Variants in DLGAP1 observed in about 807,000 individuals in gnomAD.
DLGAP1 encodes the protein disks large-associated protein 1.
In DLGAP1, 11 loss-of-function variants were observed where a neutral mutation model predicts 90.8. The ratio of observed to expected loss-of-function variants is 0.12; its 90% CI spans 0.08 to 0.20. The LOEUF is 0.20. Among genes scored for constraint, DLGAP1 ranks in the 10% least tolerant of loss-of-function variants. The probability of loss-of-function intolerance (pLI) is 1.00; values close to 1 mark genes in which losing one functional copy is unlikely to be tolerated. For synonymous variants in DLGAP1, 558 were observed against 540.7 expected (o/e 1.03, Z -0.44); for missense variants, 1,050 against 1,333.8 (o/e 0.79, Z 3.31).
intron 2 of DLGAP1, among the ~76,000 whole-genome samples, chr18:4,136,725 C>A (rs2076407608): frequency 6.6e-6 from 1 of 152,122 alleles, no homozygotes; most frequent in African/African-American, 2.4e-5. Context: ...CTTTGCTGTA[C>A]AGCAGCTTTT....
rs1430676470 is a variant in DLGAP1 at position 3,499,088 on chromosome 18, G to C, written c.*97C>G. ...CGACAGTGGAAGTCACCGAGCTCGG[G>C]AGCGGACGGGCTCGGAGGGGGAGAG... On this transcript the variant is annotated 3_prime_UTR_variant, in exon 13 of 13. Coordinates refer to ENST00000315677, the MANE Select transcript of DLGAP1 (RefSeq NM_004746.4). This position sits in a 1 kb window ranked among gnomAD's most constrained non-coding sequence, Gnocchi z 6.4. 4 of 1,148,848 alleles carry C rather than the reference G, an allele frequency of 3.5e-6. No individual in the cohort carries two copies. In the South Asian group the frequency reaches 5.0e-5, roughly 14 times the overall value. The allele number at this position is 1,148,848 out of a possible 1,614,324, so 71.2% of individuals were successfully genotyped here.
chr18:3,978,003 T>G (rs1451834186), intron 3 of DLGAP1: 3 of 373,772 alleles, frequency 8.0e-6, no homozygotes, highest in African/African-American at 6.4e-5. Flanking sequence ...GTAGCACCAG[T>G]AGATGCAGGG....
At chr18:4,268,319 CAGT>C (rs1765866863) in intron 1 of DLGAP1, among the ~76,000 whole-genome samples, 1 of 151,992 alleles carries the variant, frequency 6.6e-6, no homozygotes, top group East Asian at 1.9e-4. Context: ...AAGGAATAAA[CAGT>C]ATTTTTTAAT....
chr18:3,869,184 C>G (rs926535376), intron 4 of DLGAP1, among the ~76,000 whole-genome samples: 3 of 148,152 alleles, frequency 2.0e-5, no homozygotes, highest in African/African-American at 7.5e-5. Flanking sequence ...TATGAATACA[C>G]TAAAGCTTGA....
intron 3 of DLGAP1, chr18:3,978,222 C>A: frequency 2.3e-6 from 1 of 429,818 alleles, no homozygotes; most frequent in South Asian, 1.8e-5. Context: ...TCATACTTCT[C>A]ATCGTTCATG....
chr18:4,051,492 C>G (rs1410807514), intron 2 of DLGAP1, among the ~76,000 whole-genome samples: 1 of 152,208 alleles, frequency 6.6e-6, no homozygotes, highest in African/African-American at 2.4e-5. Context: ...AACTCACTCA[C>G]TATCACAAGA....
intron 1 of DLGAP1, among the ~76,000 whole-genome samples, chr18:4,407,237 G>A (rs2082682327): frequency 6.6e-6 from 1 of 152,106 alleles, no homozygotes; most frequent in Non-Finnish European, 1.5e-5. Context: ...AAAAAAACAA[G>A]GTAATTGGGG....
At chr18:3,848,775 T>C (rs2069169217) in intron 4 of DLGAP1, among the ~76,000 whole-genome samples, 1 of 152,158 alleles carries the variant, frequency 6.6e-6, no homozygotes, top group Non-Finnish European at 1.5e-5. Flanking sequence ...ACCATCCTAG[T>C]CCCAGTAACC....
chr18:3,987,775 G>A (rs184501550), intron 3 of DLGAP1, among the ~76,000 whole-genome samples: 137 of 152,062 alleles, frequency 9.0e-4, no homozygotes, highest in Middle Eastern at 3.4e-3. Context: ...TTTAAAGAGC[G>A]TTTTGTCTTT....
chr18:4,342,996 T>C lies in DLGAP1; in HGVS notation c.-267+112010A>G, dbSNP rs2143871692. On this transcript the variant is annotated intron_variant, in intron 1 of 12. Transcript: ENST00000315677. This position sits in a 1 kb window ranked among gnomAD's most constrained non-coding sequence, Gnocchi z 5.8. ...TGTACTGGGATAAATATAATCTAAA[T>C]CATAGTTGAACACTAAGTTTGGATT... is the stretch of plus-strand genomic sequence containing the variant. Among the ~76,000 whole-genome samples, 1 of 152,252 alleles carries C rather than the reference T, an allele frequency of 6.6e-6. No homozygotes were observed. The highest frequency in any genetic ancestry group is 1.9e-4 in the East Asian group (1 of 5,170).
At chr18:3,989,477 T>C (rs1339112949) in intron 3 of DLGAP1, among the ~76,000 whole-genome samples, 1 of 152,210 alleles carries the variant, frequency 6.6e-6, no homozygotes, top group Non-Finnish European at 1.5e-5. Context: ...CATTGTATGA[T>C]AACTCGTCAG....
intron 4 of DLGAP1, among the ~76,000 whole-genome samples, chr18:3,827,866 A>AG (rs1355858824): frequency 6.6e-6 from 1 of 152,224 alleles, no homozygotes; most frequent in Non-Finnish European, 1.5e-5. Flanking sequence ...CACTACTGTT[A>AG]GAGTGTCTGC....
Position 3,653,282 on chromosome 18 carries a change from TTC to T in DLGAP1, c.1592-71036_1592-71035del, listed in dbSNP as rs2059376933. The T allele has an allele frequency of 6.6e-6, 1 of 152,194 alleles. No homozygotes were observed. Among genetic ancestry groups the T allele is most frequent in the Non-Finnish European group, 1.5e-5 (1 of 68,020 alleles). 9.4% of individuals were successfully genotyped at this position (152,194 alleles called of 1,614,324 possible). ...TTCCGTCAAATTGCTGTCTAGATGT[TTC>T]TCTCTGACCCCAATTTTCTCGGAGT... On this transcript the variant is annotated intron_variant, in intron 7 of 12. Transcript: ENST00000315677. This position sits in a 1 kb window ranked among gnomAD's most constrained non-coding sequence, Gnocchi z 4.6.
At chr18:3,892,097 GTTC>G (rs2071478843) in intron 3 of DLGAP1, 2 of 145,316 alleles carry the variant, frequency 1.4e-5, no homozygotes, top group Non-Finnish European at 3.0e-5. Flanking sequence ...CATAATGACT[GTTC>G]TTATCACCTC....
At chr18:4,168,187 T>G (rs539933222) in intron 1 of DLGAP1, among the ~76,000 whole-genome samples, 79 of 152,326 alleles carry the variant, frequency 5.2e-4, no homozygotes, top group Non-Finnish European at 6.9e-4. Context: ...ATATTCAGGC[T>G]TGATAAGTAG....
chr18:4,250,987 G>A (rs1464890181), intron 1 of DLGAP1, among the ~76,000 whole-genome samples: 1 of 151,838 alleles, frequency 6.6e-6, no homozygotes, highest in Non-Finnish European at 1.5e-5. Context: ...GGTTGAAAGA[G>A]ATCACAAAAA....
chr18:4,038,145 C>G (rs774639894), intron 2 of DLGAP1, among the ~76,000 whole-genome samples: 1 of 152,120 alleles, frequency 6.6e-6, no homozygotes, highest in South Asian at 2.1e-4. Flanking sequence ...ATCCTAGATG[C>G]TACAGTTCCA....
At chr18:4,239,375 C>G (rs553329459) in intron 1 of DLGAP1, among the ~76,000 whole-genome samples, 1 of 151,924 alleles carries the variant, frequency 6.6e-6, no homozygotes, top group East Asian at 1.9e-4. Context: ...AACAAAGGAA[C>G]TGAAGAAAGA....
At chr18:4,297,873 A>C (rs2080024071) in intron 1 of DLGAP1, among the ~76,000 whole-genome samples, 1 of 152,154 alleles carries the variant, frequency 6.6e-6, no homozygotes, top group Non-Finnish European at 1.5e-5. Context: ...TTCCTCTCCC[A>C]TGATGCAAAC....
Sources: gnomAD v4.1 joint callset for allele counts (sites outside exome capture counted in the v4.1 genomes callset) on GRCh38, gnomAD v4.1.1 for gene constraint, Gnocchi (gnomAD v3.1) non-coding constraint, MANE v1.5 for transcripts, NCBI Gene and HGNC (gene_info 2026-07-23, HGNC 2026-07-21) for gene names.